Variants in SLC25A14 observed in about 807,000 individuals in gnomAD.
The protein encoded by SLC25A14 is solute carrier family 25 member 14, also known as brain mitochondrial carrier protein 1.
SLC25A14 carries 8 observed loss-of-function variants against 28.1 expected under a neutral mutation model. The ratio of observed to expected loss-of-function variants is 0.28; its 90% CI spans 0.17 to 0.51. SLC25A14 has a LOEUF of 0.51. Ranked by LOEUF, SLC25A14 falls within the 20% of genes least tolerant of loss-of-function variation. The probability of loss-of-function intolerance (pLI) is 0.97; values close to 1 mark genes in which losing one functional copy is unlikely to be tolerated. For missense variants in SLC25A14, 135 were observed against 263.8 expected, an observed-to-expected ratio of 0.51 and a Z score of 3.38; for synonymous variants, 74 against 90.6, an observed-to-expected ratio of 0.82 and a Z score of 1.04.
chrX:130,341,539 A>C (rs972898516), intron 2 of SLC25A14, among the ~76,000 whole-genome samples: 3 of 111,772 alleles, frequency 2.7e-5, no homozygotes, highest in Admixed American at 9.5e-5. Context: ...TCTTTCTTAA[A>C]GGAGAAAGCA....
chrX:130,356,257 C>T (rs1050548057), intron 6 of SLC25A14, among the ~76,000 whole-genome samples: 2 of 81,618 alleles, frequency 2.5e-5, no homozygotes, highest in Non-Finnish European at 2.2e-5. Context: ...GATGGAGTCT[C>T]GCTCTGTTGC....
intron 2 of SLC25A14, among the ~76,000 whole-genome samples, chrX:130,343,792 A>G (rs747487514): frequency 2.7e-5 from 3 of 112,040 alleles, no homozygotes; most frequent in Non-Finnish European, 3.8e-5. Flanking sequence ...ATTGAGCTAC[A>G]TGCCAGGCAC....
At position 130,346,704 on chromosome X, in the gene SLC25A14, C is replaced by A. The variant is rs1235732151; in HGVS notation, c.317+13C>A. ...CTCTCTATTCAGGGTGAGACTGGTTCTTTCCTTATATCATTAACAGAAATG... is the reference window on the plus strand; with the variant it reads ...CTCTCTATTCAGGGTGAGACTGGTTATTTCCTTATATCATTAACAGAAATG... On this transcript the variant is annotated intron_variant, in intron 4 of 10. Coordinates refer to ENST00000545805, the MANE Select transcript of SLC25A14 (RefSeq NM_001282195.2). 1 of 1,181,175 alleles carries A rather than the reference C, an allele frequency of 8.5e-7. No individual in the cohort carries two copies. Among genetic ancestry groups the A allele is most frequent in the Non-Finnish European group, 1.1e-6 (1 of 873,797 alleles).
At chrX:130,362,101 T>TTTTATTTATTTA (rs756869110) in intron 7 of SLC25A14, among the ~76,000 whole-genome samples, 148 of 95,739 alleles carry the variant, frequency 1.5e-3, no homozygotes, top group Middle Eastern at 0.011. Context: ...TTCCACTTCA[T>TTTTATTTATTTA]TTTATTTATT....
At chrX:130,363,017 CATATT>C (rs778580065) in intron 7 of SLC25A14, among the ~76,000 whole-genome samples, 1 of 112,721 alleles carries the variant, frequency 8.9e-6, no homozygotes, top group African/African-American at 3.2e-5. Context: ...GGAAAATTCA[CATATT>C]ATAATGATAA....
At chrX:130,345,148 C>T (rs2033389981) in intron 2 of SLC25A14, 34 bp from the exon 3 acceptor site, 1 of 968,209 alleles carries the variant, frequency 1.0e-6, no homozygotes, top group African/African-American at 1.9e-5. Context: ...GCTCCTCACT[C>T]TTGTGCCTTG....
chrX:130,345,031 C>T, intron 2 of SLC25A14, 151 bp from the exon 3 acceptor site: 2 of 451,070 alleles, frequency 4.4e-6, no homozygotes, highest in South Asian at 7.0e-5. Context: ...GCACATAAAA[C>T]AGGATCCCCC....
At chrX:130,357,212 CA>C (rs1394192883) in intron 6 of SLC25A14, among the ~76,000 whole-genome samples, 4 of 111,811 alleles carry the variant, frequency 3.6e-5, no homozygotes, top group Non-Finnish European at 7.5e-5. Context: ...TTTAAACAAT[CA>C]AAATTAACGC....
intron 4 of SLC25A14, among the ~76,000 whole-genome samples, chrX:130,348,051 AT>A (rs775556770): frequency 1.8e-5 from 2 of 111,721 alleles, no homozygotes; most frequent in Non-Finnish European, 1.9e-5. Context: ...ACAAAATACC[AT>A]AGACTGGGTG....
chrX:130,361,573 A>G (rs1006998747), intron 7 of SLC25A14, among the ~76,000 whole-genome samples: 4 of 112,749 alleles, frequency 3.5e-5, no homozygotes, highest in African/African-American at 1.3e-4. Flanking sequence ...TAACATGAAT[A>G]CTGAAAACAT....
At chrX:130,352,753 T>C (rs1277797558) in intron 6 of SLC25A14, among the ~76,000 whole-genome samples, 1 of 112,351 alleles carries the variant, frequency 8.9e-6, no homozygotes, top group Non-Finnish European at 1.9e-5. Context: ...GCCTACTTTT[T>C]AATGGAGTTA....
intron 3 of SLC25A14, among the ~76,000 whole-genome samples, chrX:130,345,699 C>G (rs2033413759): frequency 9.0e-6 from 1 of 111,601 alleles, no homozygotes; most frequent in Non-Finnish European, 1.9e-5. Flanking sequence ...AGATTCTCTT[C>G]TACATGATTT....
At chrX:130,342,513 G>A (rs1310336921) in intron 2 of SLC25A14, among the ~76,000 whole-genome samples, 1 of 112,122 alleles carries the variant, frequency 8.9e-6, no homozygotes, top group African/African-American at 3.2e-5. Flanking sequence ...GAATGCATTT[G>A]TTGAATATTA....
intron 3 of SLC25A14, among the ~76,000 whole-genome samples, 157 bp downstream of exon 3, chrX:130,345,432 C>G (rs2033402393): frequency 9.0e-6 from 1 of 111,702 alleles, no homozygotes; most frequent in African/African-American, 3.3e-5. Flanking sequence ...GAAAGTACTA[C>G]TGATGGTATG....
intron 6 of SLC25A14, among the ~76,000 whole-genome samples, chrX:130,356,710 T>A (rs1284534004): frequency 8.9e-6 from 1 of 111,923 alleles, no homozygotes; most frequent in African/African-American, 3.2e-5. Context: ...GAGACAATAA[T>A]CTACCACACT....
chrX:130,356,601 A>G (rs1203831538), intron 6 of SLC25A14, among the ~76,000 whole-genome samples: 1 of 110,928 alleles, frequency 9.0e-6, no homozygotes, highest in Non-Finnish European at 1.9e-5. Context: ...TTTAAGCAAG[A>G]CACTGGGAAG....
At chrX:130,358,986 TA>T (rs2033879593) in intron 7 of SLC25A14, 9 of 1,002,017 alleles carry the variant, frequency 9.0e-6, no homozygotes, top group Non-Finnish European at 1.2e-5. Flanking sequence ...ACAGTGAATG[TA>T]GTTGTTCAGT....
intron 6 of SLC25A14, among the ~76,000 whole-genome samples, chrX:130,353,628 G>A (rs1306020286): frequency 3.6e-5 from 4 of 111,597 alleles, no homozygotes; most frequent in East Asian, 5.6e-4. Context: ...CCTCTTTACC[G>A]GTTATCTTCT....
intron 7 of SLC25A14, among the ~76,000 whole-genome samples, chrX:130,362,943 A>G (rs1357132650): frequency 8.9e-6 from 1 of 112,163 alleles, no homozygotes; most frequent in Non-Finnish European, 1.9e-5. Flanking sequence ...TGTGAATTAA[A>G]CCTGAAAGCT....
Sources: allele counts gnomAD v4.1 joint callset (sites outside exome capture counted in the v4.1 genomes callset), GRCh38; gene constraint gnomAD v4.1.1; transcripts MANE v1.5; gene names NCBI Gene and HGNC (gene_info 2026-07-23, HGNC 2026-07-21).